Variants in KIDINS220 observed in about 807,000 individuals in gnomAD.
The protein encoded by KIDINS220 is kinase D-interacting substrate of 220 kDa.
A neutral mutation model predicts 157.6 loss-of-function variants in KIDINS220; 63 were observed. The ratio of observed to expected loss-of-function variants is 0.40; its 90% CI spans 0.33 to 0.49. The LOEUF is 0.49. KIDINS220 is among the 20% of genes least tolerant of loss of function. The probability of loss-of-function intolerance (pLI) is 0.66; values close to 1 mark genes in which losing one functional copy is unlikely to be tolerated. For missense variants in KIDINS220, 1,772 were observed against 2,171.2 expected (o/e 0.82, Z 3.65); for synonymous variants, 732 against 783.6 (o/e 0.93, Z 1.10).
chr2:8,791,343 T>A (rs1278305614), intron 12 of KIDINS220, 119 bp from the exon 13 acceptor site: 8 of 819,792 alleles, frequency 9.8e-6, no homozygotes, highest in Non-Finnish European at 1.3e-5. Flanking sequence ...TTTATACCCA[T>A]GTAGGGACAG....
chr2:8,770,837 TA>T lies in KIDINS220; in HGVS notation c.2849-6del. 1.9e-6 allele frequency: 3 copies of T among 1,573,212 alleles called. No individual in the cohort carries two copies. Among genetic ancestry groups the T allele is most frequent in the Non-Finnish European group, 2.6e-6 (3 of 1,158,876 alleles). ...GATTGGCTCTCAGTAATCGTCCTTT[TA>T]AAAAATACAAAAGCATTTAAAAATT... is the stretch of plus-strand genomic sequence containing the variant. On this transcript the variant is annotated splice_region_variant and splice_polypyrimidine_tract_variant and intron_variant, in intron 21 of 29. Transcript: ENST00000256707.
In KIDINS220 at chr2:8,729,367, G is replaced by C. The variant is rs2147934464; in HGVS notation, c.*1353C>G. 2 of 985,468 alleles carry C rather than the reference G, an allele frequency of 2.0e-6. 1 individual carries two copies. Among genetic ancestry groups the C allele is most frequent in the South Asian group, 9.4e-5 (2 of 21,290 alleles). 61.0% of individuals were successfully genotyped at this position (985,468 alleles called of 1,614,324 possible). On this transcript the variant is annotated 3_prime_UTR_variant, in exon 30 of 30. Transcript: ENST00000256707. ...AATGTAACACTGAATCTAGATAATA[G>C]CGCATCTGCGATCTCACCATCTACC...
intron 22 of KIDINS220, among the ~76,000 whole-genome samples, chr2:8,762,438 A>G (rs1255715366): frequency 6.6e-6 from 1 of 152,212 alleles, no homozygotes; most frequent in African/African-American, 2.4e-5. Context: ...CAAAATCAAA[A>G]GTAAAAGAAA....
In KIDINS220 at chr2:8,731,551, T is replaced by C. The variant is rs1197558991; in HGVS notation, c.4485A>G (p.Lys1495=). 4.3e-6 allele frequency: 7 copies of C among 1,614,090 alleles called. No individual in the cohort carries two copies. The highest frequency in any genetic ancestry group is 5.1e-6 in the Non-Finnish European group (6 of 1,180,038). Residue 1495 remains lysine (K), a synonymous_variant, in exon 30 of 30, where the codon AAA becomes AAG. Coordinates refer to ENST00000256707, the MANE Select transcript of KIDINS220 (RefSeq NM_020738.4). The surrounding 1 kb of genome is among the most constrained non-coding windows in gnomAD (Gnocchi z 5.2). ...QSGSKLLPGK[K]SSERSSLFQT... is the part of the protein sequence containing the mutation. ...GGAAGAGGCTTGACCTTTCGGAAGATTTCTTGCCTGGGAGAAGCTTACTGC... is the reference window on the plus strand; with the variant it reads ...GGAAGAGGCTTGACCTTTCGGAAGACTTCTTGCCTGGGAGAAGCTTACTGC...
Position 8,730,425 on chromosome 2 carries a change from T to C in KIDINS220, c.*295A>G. 2 of 1,191,524 alleles carry C rather than the reference T, an allele frequency of 1.7e-6. No homozygotes were observed. The highest frequency in any genetic ancestry group is 3.4e-5 in the South Asian group (1 of 29,702). The allele number at this position is 1,191,524 out of a possible 1,614,324, so 73.8% of individuals were successfully genotyped here. A position where few individuals can be genotyped will look rare whatever the true frequency, so the allele number is the denominator to read the frequency against. ...TTAAAATACTTCTGACCTATCTTTA[T>C]ACTCAGATCTCACCTCGTCTCAAAA... On this transcript the variant is annotated 3_prime_UTR_variant, in exon 30 of 30. Coordinates refer to ENST00000256707, the MANE Select transcript of KIDINS220 (RefSeq NM_020738.4).
intron 17 of KIDINS220, among the ~76,000 whole-genome samples, chr2:8,780,140 T>C (rs1671498017): frequency 6.6e-6 from 1 of 152,192 alleles, no homozygotes; most frequent in Non-Finnish European, 1.5e-5. Flanking sequence ...TGGATGCAAA[T>C]CCAAATGATC....
chr2:8,788,444 T>C (rs1015541528), intron 15 of KIDINS220, among the ~76,000 whole-genome samples: 1 of 152,084 alleles, frequency 6.6e-6, no homozygotes, highest in Non-Finnish European at 1.5e-5. Context: ...TAATTTTGTA[T>C]TTTTAGTAGA....
chr2:8,828,705 G>GA (rs1267139006), intron 1 of KIDINS220, among the ~76,000 whole-genome samples: 5 of 152,326 alleles, frequency 3.3e-5, no homozygotes, highest in South Asian at 4.1e-4. Flanking sequence ...TGATAAACCA[G>GA]AGTTCGTCAA....
At chr2:8,807,343 T>A (rs1675600019) in intron 6 of KIDINS220, among the ~76,000 whole-genome samples, 1 of 152,186 alleles carries the variant, frequency 6.6e-6, no homozygotes. Flanking sequence ...CACAGTGACC[T>A]TTCAGTACAT....
At chr2:8,810,177 C>CT in intron 6 of KIDINS220, among the ~76,000 whole-genome samples, 1 of 152,348 alleles carries the variant, frequency 6.6e-6, no homozygotes, top group South Asian at 2.1e-4. Context: ...TCTTGACTGA[C>CT]TGCTGCGCCA....
chr2:8,774,113 T>C (rs1353670882), intron 21 of KIDINS220, among the ~76,000 whole-genome samples: 1 of 151,196 alleles, frequency 6.6e-6, no homozygotes, highest in East Asian at 1.9e-4. Flanking sequence ...CTGACCAAAA[T>C]GGAGAAACCC....
chr2:8,790,960 A>G (rs1277598226), intron 13 of KIDINS220, 100 bp downstream of exon 13: 10 of 1,067,478 alleles, frequency 9.4e-6, no homozygotes, highest in African/African-American at 3.2e-5. Context: ...CACATAACAC[A>G]CATGCTTATA....
intron 10 of KIDINS220, among the ~76,000 whole-genome samples, chr2:8,797,310 A>T (rs1328885369): frequency 1.3e-5 from 2 of 152,238 alleles, no homozygotes; most frequent in Admixed American, 1.3e-4. Flanking sequence ...ATTTGAAACA[A>T]GCAGTATGCC....
Position 8,731,759 on chromosome 2 carries a change from G to C in KIDINS220, c.4277C>G (p.Ser1426Cys). Residue 1426 changes from serine to cysteine, a missense_variant, in exon 30 of 30, where the codon TCT becomes TGT. Physicochemically the swap from Ser to Cys is moderately radical, Grantham distance 112. Transcript: ENST00000256707. The surrounding 1 kb of genome is among the most constrained non-coding windows in gnomAD (Gnocchi z 5.2). ...YYMGQSSSGG[S>C]IHSNLEQEKG... is the part of the protein sequence containing the mutation. ...TTCTTGCTCTAGGTTTGAATGAATA[G>C]AGCCCCCTGATGAACTCTGACCCAT... The C allele has an allele frequency of 1.2e-6, 2 of 1,614,076 alleles. No individual in the cohort carries two copies. Among genetic ancestry groups the C allele is most frequent in the Non-Finnish European group, 1.7e-6 (2 of 1,180,004 alleles).
downstream of KIDINS220, among the ~76,000 whole-genome samples, chr2:8,726,304 T>C (rs1363258277): frequency 6.6e-6 from 1 of 152,208 alleles, no homozygotes; most frequent in African/African-American, 2.4e-5. Context: ...TCATGAAACA[T>C]TCCACCTACA....
At chr2:8,814,282 A>T (rs1676737682) in intron 4 of KIDINS220, among the ~76,000 whole-genome samples, 1 of 151,010 alleles carries the variant, frequency 6.6e-6, no homozygotes, top group South Asian at 2.1e-4. Flanking sequence ...TTACTAAGGA[A>T]TTTTTTTTTT....
intron 22 of KIDINS220, among the ~76,000 whole-genome samples, chr2:8,768,744 G>C (rs1485582340): frequency 1.3e-5 from 2 of 152,018 alleles, no homozygotes; most frequent in African/African-American, 4.8e-5. Context: ...TAGCATCAAA[G>C]AACTCAACTA....
chr2:8,761,719 C>G (rs1668766169), intron 22 of KIDINS220, among the ~76,000 whole-genome samples: 2 of 152,070 alleles, frequency 1.3e-5, no homozygotes, highest in African/African-American at 2.4e-5. Flanking sequence ...TTATTTTTGG[C>G]CAAACATGCT....
At chr2:8,744,658 C>T (rs1333387377) in intron 26 of KIDINS220, among the ~76,000 whole-genome samples, 1 of 151,438 alleles carries the variant, frequency 6.6e-6, no homozygotes, top group Non-Finnish European at 1.5e-5. Context: ...TGCTACAGAG[C>T]TCGATGGGCT....
Sources: gnomAD v4.1 joint callset for allele counts (sites outside exome capture counted in the v4.1 genomes callset) on GRCh38, gnomAD v4.1.1 for gene constraint, Gnocchi (gnomAD v3.1) non-coding constraint, MANE v1.5 for transcripts, NCBI Gene and HGNC (gene_info 2026-07-23, HGNC 2026-07-21) for gene names.